GALNT18: variants seen among roughly 807,000 people sequenced by gnomAD.
The protein encoded by GALNT18 is polypeptide N-acetylgalactosaminyltransferase 18.
Under a neutral mutation model 69.5 loss-of-function variants are expected in GALNT18, and 44 were observed. The observed-to-expected ratio is 0.63, with a 90% CI of 0.50 to 0.81. GALNT18 has a LOEUF of 0.81. GALNT18 is among the 40% of genes least tolerant of loss of function. The probability of loss-of-function intolerance (pLI) is 0.00; values close to 1 mark genes in which losing one functional copy is unlikely to be tolerated. For synonymous variants in GALNT18, 364 were observed against 318.2 expected (o/e 1.14, Z -1.53); for missense variants, 715 against 810.0 (o/e 0.88, Z 1.42).
intron 1 of GALNT18, among the ~76,000 whole-genome samples, chr11:11,610,370 G>C (rs961297861): frequency 1.3e-5 from 2 of 152,186 alleles, no homozygotes; most frequent in African/African-American, 4.8e-5. Flanking sequence ...TTCTTCATCT[G>C]TGAAATGGGG....
At chr11:11,533,108 T>C (rs1467468187) in intron 1 of GALNT18, among the ~76,000 whole-genome samples, 1 of 152,146 alleles carries the variant, frequency 6.6e-6, no homozygotes, top group East Asian at 1.9e-4. Context: ...CCCCAGCCCT[T>C]AGGTAATCTC....
In GALNT18 at chr11:11,320,625, T is replaced by C. The variant is rs1045135423; in HGVS notation, c.1512+6461A>G. 6.6e-6 allele frequency among the ~76,000 whole-genome samples: 1 copy of C among 152,174 alleles called. No individual in the cohort carries two copies. The highest frequency in any genetic ancestry group is 1.5e-5 in the Non-Finnish European group (1 of 68,020). On this transcript the variant is annotated intron_variant, in intron 9 of 10. Coordinates refer to ENST00000227756, the MANE Select transcript of GALNT18 (RefSeq NM_198516.3). This position sits in a 1 kb window ranked among gnomAD's most constrained non-coding sequence, Gnocchi z 4.9. The stretch of plus-strand genomic sequence containing the variant: ...GAGTACCCCTTTTCTTACTCTTCCA[T>C]GAGCAGTGAACTTCTTGCGGGCTGG...
At chr11:11,438,492 C>G (rs938230587) in intron 2 of GALNT18, among the ~76,000 whole-genome samples, 29 of 152,312 alleles carry the variant, frequency 1.9e-4, no homozygotes, top group African/African-American at 6.0e-4. Flanking sequence ...ACTATTTTCC[C>G]CATTTTATTC....
chr11:11,610,887 A>G (rs1348217870), intron 1 of GALNT18, among the ~76,000 whole-genome samples: 2 of 152,324 alleles, frequency 1.3e-5, no homozygotes, highest in Non-Finnish European at 2.9e-5. Context: ...GGGAAATATG[A>G]TGATTAATTA....
At chr11:11,589,535 C>T (rs1859303951) in intron 1 of GALNT18, among the ~76,000 whole-genome samples, 1 of 152,020 alleles carries the variant, frequency 6.6e-6, no homozygotes, top group South Asian at 2.1e-4. Flanking sequence ...AAACTGTTAG[C>T]TCCATACTCA....
At chr11:11,594,065 C>G (rs1228842474) in intron 1 of GALNT18, among the ~76,000 whole-genome samples, 2 of 152,184 alleles carry the variant, frequency 1.3e-5, no homozygotes, top group African/African-American at 2.4e-5. Context: ...CACTCTGTGC[C>G]AGACTCTGTG....
chr11:11,456,495 C>T (rs991050212), intron 1 of GALNT18, among the ~76,000 whole-genome samples: 7 of 152,202 alleles, frequency 4.6e-5, no homozygotes, highest in African/African-American at 1.4e-4. Flanking sequence ...CAGGGCCCCC[C>T]TGCAACCCCA....
intron 10 of GALNT18, among the ~76,000 whole-genome samples, chr11:11,275,720 G>A (rs1157828841): frequency 1.3e-5 from 2 of 152,232 alleles, no homozygotes; most frequent in African/African-American, 4.8e-5. Flanking sequence ...GAAGATGTAA[G>A]GAAGGGGTCC....
chr11:11,293,533 CTTTTTTTTT>C (rs34166465), intron 9 of GALNT18, among the ~76,000 whole-genome samples: 15 of 80,186 alleles, frequency 1.9e-4, no homozygotes, highest in East Asian at 7.3e-4. Flanking sequence ...ACAAACCCCT[CTTTTTTTTT>C]TTTTTTTTTT....
chr11:11,504,631 A>G (rs1192675613), intron 1 of GALNT18, among the ~76,000 whole-genome samples: 1 of 151,962 alleles, frequency 6.6e-6, no homozygotes, highest in Admixed American at 6.6e-5. Flanking sequence ...GGTGGTATGC[A>G]CCTGTAGTCC....
chr11:11,438,924 G>A (rs765775515), intron 2 of GALNT18, among the ~76,000 whole-genome samples: 5 of 152,162 alleles, frequency 3.3e-5, no homozygotes, highest in Admixed American at 6.5e-5. Flanking sequence ...TCCTTGCACC[G>A]AGGCTGCTGT....
intron 1 of GALNT18, among the ~76,000 whole-genome samples, chr11:11,488,499 A>G (rs534261909): frequency 2.0e-5 from 3 of 152,242 alleles, no homozygotes. Flanking sequence ...CCCTCTTGCC[A>G]TGGAATAAAC....
Position 11,503,397 on chromosome 11 carries a change from C to T in GALNT18, c.236-54461G>A, listed in dbSNP as rs958124786. ...ACTGTTGTTGCTTGACAGAGAATAG[C>T]TATTGCTCTGATTATTATCAAAGAC... On this transcript the variant is annotated intron_variant, in intron 1 of 10. Transcript: ENST00000227756. 7.9e-5 allele frequency among the ~76,000 whole-genome samples: 12 copies of T among 152,314 alleles called. 2 individuals are homozygous for T. Among genetic ancestry groups the T allele is most frequent in the African/African-American group, 1.2e-4 (5 of 41,576 alleles).
intron 10 of GALNT18, among the ~76,000 whole-genome samples, chr11:11,273,833 A>AT (rs1190743644): frequency 6.6e-6 from 1 of 152,200 alleles, no homozygotes. Flanking sequence ...AATATGTGGT[A>AT]TATACACAGG....
At chr11:11,424,502 C>CT (rs1855082377) in intron 3 of GALNT18, among the ~76,000 whole-genome samples, 1 of 152,176 alleles carries the variant, frequency 6.6e-6, no homozygotes, top group African/African-American at 2.4e-5. Context: ...ATCTACCTCC[C>CT]TGGGAGATCA....
chr11:11,474,433 T>A (rs1239130716), intron 1 of GALNT18, among the ~76,000 whole-genome samples: 2 of 152,200 alleles, frequency 1.3e-5, no homozygotes, highest in Non-Finnish European at 2.9e-5. Flanking sequence ...GTGAGGAGTG[T>A]GGCTCTTGTT....
rs1306927671 is a variant in GALNT18 at position 11,415,408 on chromosome 11, G to A, written c.595+17213C>T. On this transcript the variant is annotated intron_variant, in intron 3 of 10. Coordinates refer to ENST00000227756, the MANE Select transcript of GALNT18 (RefSeq NM_198516.3). This position sits in a 1 kb window ranked among gnomAD's most constrained non-coding sequence, Gnocchi z 4.1. ...AATAGTTGCCGAATGAGAAAATAACGTGTCCTTGTAGCCACCTACTTGTAT... is the reference window on the plus strand; with the variant it reads ...AATAGTTGCCGAATGAGAAAATAACATGTCCTTGTAGCCACCTACTTGTAT... 6.6e-6 allele frequency among the ~76,000 whole-genome samples: 1 copy of A among 152,168 alleles called. No homozygotes were observed. Among genetic ancestry groups the A allele is most frequent in the African/African-American group, 2.4e-5 (1 of 41,428 alleles).
intron 9 of GALNT18, among the ~76,000 whole-genome samples, chr11:11,324,798 G>T (rs1396702572): frequency 6.6e-6 from 1 of 151,880 alleles, no homozygotes; most frequent in Non-Finnish European, 1.5e-5. Context: ...GTAGATTCTG[G>T]ATATTTATCC....
chr11:11,382,970 T>C lies in GALNT18; in HGVS notation c.596-3706A>G, dbSNP rs1853957965. Among the ~76,000 whole-genome samples the C allele has an allele frequency of 1.3e-5, 2 of 152,118 alleles. No individual in the cohort carries two copies. Among genetic ancestry groups the C allele is most frequent in the South Asian group, 2.1e-4 (1 of 4,824 alleles). Reference sequence around the variant, plus strand: ...TCGATAGCCCATGTTGACAGAGAAATACAATTTGCACCCTGCATGGGGCCA... The same window carrying C: ...TCGATAGCCCATGTTGACAGAGAAACACAATTTGCACCCTGCATGGGGCCA... On this transcript the variant is annotated intron_variant, in intron 3 of 10. Transcript: ENST00000227756. The surrounding 1 kb of genome is among the most constrained non-coding windows in gnomAD (Gnocchi z 4.3).
Sources: allele counts gnomAD v4.1 joint callset (sites outside exome capture counted in the v4.1 genomes callset), GRCh38; gene constraint gnomAD v4.1.1; non-coding constraint Gnocchi (gnomAD v3.1); transcripts MANE v1.5; gene names NCBI Gene and HGNC (gene_info 2026-07-23, HGNC 2026-07-21).